The following RETREG1 variants were observed in gnomAD, a reference collection of about 807,000 sequenced individuals.
RETREG1 encodes family with sequence similarity 134 member B.
A neutral mutation model predicts 54.8 loss-of-function variants in RETREG1; 44 were observed. The ratio of observed to expected loss-of-function variants is 0.80; its 90% CI spans 0.63 to 1.03. The LOEUF (loss-of-function observed/expected upper bound fraction) is 1.03. RETREG1 is among the 50% of genes least tolerant of loss of function. RETREG1 has a pLI of 0.00. For synonymous variants in RETREG1, 217 were observed against 238.5 expected, an observed-to-expected ratio of 0.91 and a Z score of 0.83; for missense variants, 554 against 605.1, an observed-to-expected ratio of 0.92 and a Z score of 0.89.
At chr5:16,529,474 T>G (rs1174356498) in intron 3 of RETREG1, among the ~76,000 whole-genome samples, 2 of 152,196 alleles carry the variant, frequency 1.3e-5, no homozygotes, top group Non-Finnish European at 2.9e-5. Flanking sequence ...AGGACTGAAA[T>G]TGCCCTGCCA....
intron 3 of RETREG1, among the ~76,000 whole-genome samples, chr5:16,493,048 C>T (rs551441425): frequency 9.9e-5 from 15 of 152,134 alleles, no homozygotes; most frequent in Middle Eastern, 3.4e-3. Flanking sequence ...CGGAGAGCCC[C>T]ATCTTCCTCA....
At chr5:16,533,131 G>T (rs139971659) in intron 3 of RETREG1, among the ~76,000 whole-genome samples, 1 of 151,676 alleles carries the variant, frequency 6.6e-6, no homozygotes, top group Non-Finnish European at 1.5e-5. Context: ...TGCAAGCTCC[G>T]CCTCCCGGGT....
intron 2 of RETREG1, among the ~76,000 whole-genome samples, chr5:16,567,727 C>T (rs185762411): frequency 1.3e-5 from 2 of 152,124 alleles, no homozygotes; most frequent in East Asian, 1.9e-4. Context: ...GAGGCCAAAA[C>T]GGGGGGATCA....
Position 16,474,664 on chromosome 5 carries a change from TTTTCC to T in RETREG1, c.*72_*76del. ...TAAAGCTTACAGTTCAATTTTTTTC[TTTTCC>T]TTTTTTTTTTTTTTTTCTTGTTTGA... On this transcript the variant is annotated 3_prime_UTR_variant, in exon 9 of 9. Transcript: ENST00000306320. 1 of 1,509,310 alleles carries T rather than the reference TTTTCC, an allele frequency of 6.6e-7. No homozygotes were observed. The highest frequency in any genetic ancestry group is 8.9e-7 in the Non-Finnish European group (1 of 1,123,992). 93.5% of individuals were successfully genotyped at this position (1,509,310 alleles called of 1,614,324 possible).
chr5:16,581,526 AACACACACACACACACACACAC>A (rs3993834), intron 1 of RETREG1, among the ~76,000 whole-genome samples: 1 of 143,640 alleles, frequency 7.0e-6, no homozygotes, highest in Non-Finnish European at 1.5e-5. Flanking sequence ...TCAGAAACAC[AACACACACACACACACACACAC>A]ACACACACAC....
intron 4 of RETREG1, among the ~76,000 whole-genome samples, chr5:16,482,421 A>G (rs531669922): frequency 1.3e-5 from 2 of 151,658 alleles, no homozygotes; most frequent in African/African-American, 2.4e-5. Context: ...TCAACAGCAC[A>G]TCATGCCCCA....
At chr5:16,586,957 T>C (rs1332035205) in intron 1 of RETREG1, among the ~76,000 whole-genome samples, 1 of 152,210 alleles carries the variant, frequency 6.6e-6, no homozygotes, top group Non-Finnish European at 1.5e-5. Flanking sequence ...AAAAGATCTC[T>C]CTGGGGTCTC....
At chr5:16,573,182 A>G (rs931728226) in intron 1 of RETREG1, among the ~76,000 whole-genome samples, 2 of 66,838 alleles carry the variant, frequency 3.0e-5, no homozygotes, top group African/African-American at 1.1e-4. Flanking sequence ...TTCTGTCTCA[A>G]AAAAAAAAAA....
chr5:16,600,108 C>A (rs933701555), intron 1 of RETREG1, among the ~76,000 whole-genome samples: 1 of 152,328 alleles, frequency 6.6e-6, no homozygotes, highest in South Asian at 2.1e-4. Flanking sequence ...TCAAGCGATT[C>A]TCCTGCCTCA....
intron 3 of RETREG1, among the ~76,000 whole-genome samples, chr5:16,558,837 G>A (rs1741778605): frequency 6.6e-6 from 1 of 152,208 alleles, no homozygotes; most frequent in Non-Finnish European, 1.5e-5. Flanking sequence ...ATTCAGATCA[G>A]CCAATCTGTG....
At chr5:16,560,818 T>C (rs1333726423) in intron 3 of RETREG1, among the ~76,000 whole-genome samples, 2 of 152,216 alleles carry the variant, frequency 1.3e-5, no homozygotes, top group East Asian at 3.8e-4. Flanking sequence ...TAGTGCCAGA[T>C]GCTAAGAATC....
At chr5:16,595,754 T>C (rs554602625) in intron 1 of RETREG1, among the ~76,000 whole-genome samples, 42 of 152,214 alleles carry the variant, frequency 2.8e-4, no homozygotes, top group African/African-American at 9.1e-4. Context: ...CCGGGCTCAT[T>C]TGTCAGGGGG....
chr5:16,601,086 G>A (rs1743039141), intron 1 of RETREG1, among the ~76,000 whole-genome samples: 1 of 152,170 alleles, frequency 6.6e-6, no homozygotes, highest in Non-Finnish European at 1.5e-5. Context: ...AAGAAAACAG[G>A]CTGGGTGTGG....
chr5:16,520,975 A>C (rs1195628179), intron 3 of RETREG1, among the ~76,000 whole-genome samples: 1 of 152,080 alleles, frequency 6.6e-6, no homozygotes, highest in African/African-American at 2.4e-5. Context: ...AACTGCAGGA[A>C]ACAGGGCAGG....
intron 3 of RETREG1, chr5:16,509,108 A>G (rs1489203996): frequency 2.6e-6 from 2 of 759,710 alleles, no homozygotes; most frequent in Non-Finnish European, 3.2e-6. Context: ...AGGTTGAAAC[A>G]TCACCCTGGG....
At chr5:16,546,000 T>C (rs1741375822) in intron 3 of RETREG1, among the ~76,000 whole-genome samples, 1 of 152,218 alleles carries the variant, frequency 6.6e-6, no homozygotes, top group Non-Finnish European at 1.5e-5. Flanking sequence ...AGATGTGAGC[T>C]AAACCCTTTC....
At position 16,578,621 on chromosome 5, in the gene RETREG1, G is replaced by C. The variant is rs564657726; in HGVS notation, c.321-6519C>G. Among the ~76,000 whole-genome samples, 22 of 152,274 alleles carry C rather than the reference G, an allele frequency of 1.4e-4. No individual in the cohort carries two copies. In the South Asian group the frequency reaches 4.6e-3, roughly 32 times the overall value. On this transcript the variant is annotated intron_variant, in intron 1 of 8. Transcript: ENST00000306320. ...GAGGTCATCTGATTTACTTTCATCT[G>C]ATCCACAAATCCCCTCAGCTGCAAT...
intron 3 of RETREG1, among the ~76,000 whole-genome samples, chr5:16,491,157 T>C (rs1312998382): frequency 6.6e-6 from 1 of 152,102 alleles, no homozygotes; most frequent in Admixed American, 6.5e-5. Flanking sequence ...CTCCACATGA[T>C]CCCCCTAGGA....
rs562708107 is a variant in RETREG1, at chr5:16,542,198, G to A, written c.458+23565C>T. Among the ~76,000 whole-genome samples, 8 of 152,270 alleles carry A rather than the reference G, an allele frequency of 5.3e-5. No homozygotes were observed. The East Asian group carries it at 5.8e-4, about 11-fold the overall frequency. On this transcript the variant is annotated intron_variant, in intron 3 of 8. Transcript: ENST00000306320. ...CCCTCCTCATCTCAGGCCCCTCTGCGGCCACAGGCCACCACTGCTCTCTCT... is the reference window on the plus strand; with the variant it reads ...CCCTCCTCATCTCAGGCCCCTCTGCAGCCACAGGCCACCACTGCTCTCTCT...
Sources: gnomAD v4.1 joint callset for allele counts (sites outside exome capture counted in the v4.1 genomes callset) on GRCh38, gnomAD v4.1.1 for gene constraint, MANE v1.5 for transcripts, NCBI Gene and HGNC (gene_info 2026-07-23, HGNC 2026-07-21) for gene names.